RTN1: variants seen among roughly 807,000 people sequenced by gnomAD.
RTN1 encodes reticulon-1.
RTN1 carries 25 observed loss-of-function variants against 65.5 expected under a neutral mutation model. That is an observed-to-expected ratio of 0.38 (90% CI 0.28 to 0.53). RTN1 has a LOEUF of 0.53. Ranked by LOEUF, RTN1 falls within the 20% of genes least tolerant of loss-of-function variation. The pLI is 0.79. For missense variants in RTN1, 983 were observed against 1,025.4 expected (o/e 0.96, Z 0.57); for synonymous variants, 471 against 447.6 (o/e 1.05, Z -0.66).
intron 1 of RTN1, among the ~76,000 whole-genome samples, chr14:59,760,122 A>T (rs1414764185): frequency 1.3e-5 from 2 of 152,244 alleles, no homozygotes; most frequent in African/African-American, 4.8e-5. Flanking sequence ...AGCCTAGCTA[A>T]ACAATGTATT....
At chr14:59,701,202 T>A (rs1884171242) in intron 3 of RTN1, among the ~76,000 whole-genome samples, 1 of 152,212 alleles carries the variant, frequency 6.6e-6, no homozygotes, top group Non-Finnish European at 1.5e-5. Flanking sequence ...GAAATTGGAA[T>A]TCTCACACAT....
At chr14:59,673,616 A>G (rs1883558165) in intron 3 of RTN1, among the ~76,000 whole-genome samples, 1 of 152,176 alleles carries the variant, frequency 6.6e-6, no homozygotes, top group Non-Finnish European at 1.5e-5. Flanking sequence ...GAATGGAAGC[A>G]TGCATGCTGA....
chr14:59,858,383 G>A (rs939836053), intron 1 of RTN1, among the ~76,000 whole-genome samples: 1 of 151,998 alleles, frequency 6.6e-6, no homozygotes, highest in African/African-American at 2.4e-5. Context: ...TCATGCCAAA[G>A]GCAGACATGA....
intron 1 of RTN1, among the ~76,000 whole-genome samples, chr14:59,772,488 C>T (rs150701327): frequency 3.3e-5 from 5 of 151,758 alleles, no homozygotes; most frequent in Non-Finnish European, 4.4e-5. Flanking sequence ...TACATCTTTC[C>T]GGATTAAGTT....
At chr14:59,723,532 G>A (rs1346224749) in intron 3 of RTN1, among the ~76,000 whole-genome samples, 2 of 152,098 alleles carry the variant, frequency 1.3e-5, no homozygotes, top group South Asian at 2.1e-4. Flanking sequence ...CAGTAGAATG[G>A]CGTGAACCTG....
chr14:59,707,051 T>G (rs1884310182), intron 3 of RTN1, among the ~76,000 whole-genome samples: 1 of 152,210 alleles, frequency 6.6e-6, no homozygotes, highest in Non-Finnish European at 1.5e-5. Flanking sequence ...AACCATGTGC[T>G]GAACTGAAGA....
chr14:59,838,834 T>A (rs1887261459), intron 1 of RTN1, among the ~76,000 whole-genome samples: 1 of 152,118 alleles, frequency 6.6e-6, no homozygotes, highest in Non-Finnish European at 1.5e-5. Flanking sequence ...AAGGCACACA[T>A]AATTGAGAAG....
At chr14:59,635,575 T>G (rs1463755983) in intron 3 of RTN1, among the ~76,000 whole-genome samples, 1 of 152,166 alleles carries the variant, frequency 6.6e-6, no homozygotes. Flanking sequence ...TTTCATTGTT[T>G]AGGAGGAAAA....
chr14:59,853,246 CA>C (rs1473120468), intron 1 of RTN1, among the ~76,000 whole-genome samples: 1 of 152,144 alleles, frequency 6.6e-6, no homozygotes, highest in Non-Finnish European at 1.5e-5. Context: ...ACCCCTCTGT[CA>C]CAGGCATGAT....
chr14:59,793,866 G>T (rs1351186452), intron 1 of RTN1, among the ~76,000 whole-genome samples: 1 of 152,062 alleles, frequency 6.6e-6, no homozygotes, highest in South Asian at 2.1e-4. Context: ...ATTGTCAGTA[G>T]TAGCTCCATC....
intron 3 of RTN1, among the ~76,000 whole-genome samples, chr14:59,665,735 G>A (rs986519956): frequency 2.0e-5 from 3 of 152,032 alleles, no homozygotes; most frequent in African/African-American, 4.8e-5. Flanking sequence ...TAAAATAAAG[G>A]GATGGAGGAA....
chr14:59,695,724 T>G (rs186329860), intron 3 of RTN1, among the ~76,000 whole-genome samples: 23 of 152,290 alleles, frequency 1.5e-4, no homozygotes, highest in African/African-American at 5.5e-4. Flanking sequence ...TTTATCTATA[T>G]AAAATAAGGA....
chr14:59,825,617 G>A lies in RTN1; in HGVS notation c.241+44773C>T, dbSNP rs906665841. Reference sequence around the variant, plus strand: ...GCCTTCTCCCAGAAGCACCCCTGCTGGAAGGCCAGCCTAGTGCCACATCAA... The same window carrying A: ...GCCTTCTCCCAGAAGCACCCCTGCTAGAAGGCCAGCCTAGTGCCACATCAA... On this transcript the variant is annotated intron_variant, in intron 1 of 8. Coordinates refer to ENST00000267484, the MANE Select transcript of RTN1 (RefSeq NM_021136.3). This position sits in a 1 kb window ranked among gnomAD's most constrained non-coding sequence, Gnocchi z 4.2. Among the ~76,000 whole-genome samples, 1 of 152,210 alleles carries A rather than the reference G, an allele frequency of 6.6e-6. No individual in the cohort carries two copies. Among genetic ancestry groups the A allele is most frequent in the Non-Finnish European group, 1.5e-5 (1 of 68,044 alleles).
In RTN1 at chr14:59,621,108, G is replaced by T. The variant is rs201938824; in HGVS notation, c.1766-13616C>A. 7.9e-5 allele frequency among the ~76,000 whole-genome samples: 12 copies of T among 152,298 alleles called. No homozygotes were observed. In the East Asian group the frequency reaches 2.3e-3, roughly 29 times the overall value. On this transcript the variant is annotated intron_variant, in intron 3 of 8. Coordinates refer to ENST00000267484, the MANE Select transcript of RTN1 (RefSeq NM_021136.3). ...TCACATTTTAATTTTGCTTAGAGTG[G>T]TATCAACTTGCGTAGGAAGCTTTAT...
chr14:59,749,529 A>C (rs1369256315), intron 1 of RTN1, among the ~76,000 whole-genome samples: 4 of 58,158 alleles, frequency 6.9e-5, no homozygotes, highest in Admixed American at 2.9e-4. Context: ...ATATTTATAT[A>C]TATCTATCTA....
Position 59,863,477 on chromosome 14 carries a change from A to G in RTN1, c.241+6913T>C, listed in dbSNP as rs143832861. On this transcript the variant is annotated intron_variant, in intron 1 of 8. Coordinates refer to ENST00000267484, the MANE Select transcript of RTN1 (RefSeq NM_021136.3). The stretch of plus-strand genomic sequence containing the variant: ...GGAATCAATCATTCTATTCCTCTTG[A>G]CATATATTTATCTTTTCTTCTGGAG... Among the ~76,000 whole-genome samples the G allele has an allele frequency of 3.3e-3, 501 of 152,202 alleles. 5 individuals are homozygous for G. Among genetic ancestry groups the G allele is most frequent in the African/African-American group, 0.011 (472 of 41,510 alleles).
At position 59,758,296 on chromosome 14, in the gene RTN1, C is replaced by T. The variant is rs538631465; in HGVS notation, c.242-11815G>A. Among the ~76,000 whole-genome samples, 3 of 152,268 alleles carry T rather than the reference C, an allele frequency of 2.0e-5. No homozygotes were observed. The South Asian group carries it at 6.2e-4, about 32-fold the overall frequency. ...CTCTGCACATGGCTGACATATTCATCTCCCCAAAGCAGCACTATTACCATG... is the reference window on the plus strand; with the variant it reads ...CTCTGCACATGGCTGACATATTCATTTCCCCAAAGCAGCACTATTACCATG... On this transcript the variant is annotated intron_variant, in intron 1 of 8. Transcript: ENST00000267484.
intron 3 of RTN1, among the ~76,000 whole-genome samples, chr14:59,670,267 A>C (rs564675544): frequency 1.3e-5 from 2 of 152,362 alleles, no homozygotes; most frequent in South Asian, 4.1e-4. Flanking sequence ...ATCTCATTAA[A>C]CATTTATAGC....
At chr14:59,602,095 T>C (rs1391570686) in intron 8 of RTN1, among the ~76,000 whole-genome samples, 1 of 152,156 alleles carries the variant, frequency 6.6e-6, no homozygotes, top group African/African-American at 2.4e-5. Context: ...CAAAAGTTTA[T>C]AAACTTCAGA....
Sources: gnomAD v4.1 joint callset for allele counts (sites outside exome capture counted in the v4.1 genomes callset) on GRCh38, gnomAD v4.1.1 for gene constraint, Gnocchi (gnomAD v3.1) non-coding constraint, MANE v1.5 for transcripts, NCBI Gene and HGNC (gene_info 2026-07-23, HGNC 2026-07-21) for gene names.